NUP62CL: variants seen among roughly 807,000 people sequenced by gnomAD.
NUP62CL encodes nucleoporin 62 C-terminal like, also known as nucleoporin-62 C-terminal-like protein.
NUP62CL carries 13 observed loss-of-function variants against 15.3 expected under a neutral mutation model. That is an observed-to-expected ratio of 0.85 (90% confidence interval 0.55 to 1.35). The LOEUF is 1.35. Among genes scored for constraint, NUP62CL ranks in the 40% most tolerant of loss-of-function variants. The pLI, the probability that NUP62CL is intolerant of heterozygous loss-of-function variation, is 0.00. For missense variants in NUP62CL, 123 were observed against 130.6 expected (o/e 0.94, Z 0.28); for synonymous variants, 54 against 49.2 (o/e 1.10, Z -0.41).
Position 107,204,893 on chromosome X carries a change from A to ATTAT in NUP62CL, c.-92+1376_-92+1379dup, listed in dbSNP as rs1241518302. Reference sequence around the variant, plus strand: ...AATTATTTAAATAAATTTTAAATAAATTATTTAAATAAATTTTAAATAAAT... The same window carrying ATTAT: ...AATTATTTAAATAAATTTTAAATAAATTATTTATTTAAATAAATTTTAAATAAAT... On this transcript the variant is annotated intron_variant, in intron 1 of 8. Coordinates refer to ENST00000372466, the MANE Select transcript of NUP62CL (RefSeq NM_017681.3). Among the ~76,000 whole-genome samples the ATTAT allele has an allele frequency of 4.9e-3, 288 of 58,397 alleles. 41 individuals carry two copies. The highest frequency in any genetic ancestry group is 0.032 in the African/African-American group (219 of 6,809). 50.7% of individuals were successfully genotyped at this position (58,397 alleles called of 115,157 possible).
chrX:107,138,040 T>G (rs1925681013), intron 8 of NUP62CL, among the ~76,000 whole-genome samples: 1 of 111,616 alleles, frequency 9.0e-6, no homozygotes, highest in Non-Finnish European at 1.9e-5. Flanking sequence ...TTGTTGTTGT[T>G]TTTTAAGGCA....
At chrX:107,164,798 C>T (rs1490011926) in intron 4 of NUP62CL, among the ~76,000 whole-genome samples, 1 of 113,010 alleles carries the variant, frequency 8.8e-6, no homozygotes, top group African/African-American at 3.2e-5. Context: ...TTAAAAGCCC[C>T]TTTAGCCTAA....
chrX:107,174,326 A>AT (rs1385429747), intron 3 of NUP62CL, among the ~76,000 whole-genome samples: 4 of 107,017 alleles, frequency 3.7e-5, no homozygotes, highest in Non-Finnish European at 5.8e-5. Context: ...AAATTTTTGT[A>AT]TTTTTTTGTA....
At chrX:107,199,538 G>C (rs755872599) in intron 1 of NUP62CL, among the ~76,000 whole-genome samples, 3 of 111,999 alleles carry the variant, frequency 2.7e-5, no homozygotes, top group South Asian at 3.7e-4. Flanking sequence ...TTAGCCATAC[G>C]ATTTATTAAA....
At chrX:107,136,332 C>G (rs1394967935) in intron 8 of NUP62CL, among the ~76,000 whole-genome samples, 1 of 111,601 alleles carries the variant, frequency 9.0e-6, no homozygotes, top group Admixed American at 9.5e-5. Context: ...AGGAATGCAC[C>G]AATTCCTAAA....
chrX:107,203,770 G>A (rs1370964067), intron 1 of NUP62CL, among the ~76,000 whole-genome samples: 1 of 111,711 alleles, frequency 9.0e-6, no homozygotes, highest in Non-Finnish European at 1.9e-5. Context: ...ATGGGTACAT[G>A]TGGATAAAGA....
At chrX:107,186,177 G>T (rs1602662273) in intron 2 of NUP62CL, among the ~76,000 whole-genome samples, 2 of 111,442 alleles carry the variant, frequency 1.8e-5, no homozygotes, top group East Asian at 5.6e-4. Context: ...AAATCAGCAA[G>T]GATACAGAAG....
intron 2 of NUP62CL, among the ~76,000 whole-genome samples, chrX:107,177,674 A>G (rs955548474): frequency 5.4e-5 from 6 of 111,509 alleles, no homozygotes; most frequent in Non-Finnish European, 1.1e-4. Context: ...CAAAGCCACA[A>G]TGAGATACTA....
chrX:107,172,185 T>C (rs966195692), intron 3 of NUP62CL, among the ~76,000 whole-genome samples: 2 of 105,715 alleles, frequency 1.9e-5, no homozygotes, highest in South Asian at 4.3e-4. Flanking sequence ...AAAAAATCAG[T>C]TGGTCATGGT....
At chrX:107,185,196 CAAAAAAAAAA>C (rs3072235) in intron 2 of NUP62CL, among the ~76,000 whole-genome samples, 1 of 20,983 alleles carries the variant, frequency 4.8e-5, no homozygotes, top group East Asian at 1.4e-3. Context: ...GACTCCGTCT[CAAAAAAAAAA>C]AAAAAAAAAA....
chrX:107,197,558 G>T (rs1373679528), intron 1 of NUP62CL, among the ~76,000 whole-genome samples: 5 of 109,192 alleles, frequency 4.6e-5, no homozygotes, highest in Admixed American at 2.0e-4. Flanking sequence ...TGTATGTTGA[G>T]CCCAGCTTAC....
intron 2 of NUP62CL, among the ~76,000 whole-genome samples, chrX:107,184,343 GAAAGAAAGAAAGAAAC>G (rs1459257127): frequency 1.3e-5 from 1 of 77,142 alleles, no homozygotes; most frequent in African/African-American, 5.9e-5. Flanking sequence ...AAGAAAGAAA[GAAAGAAAGAAAGAAAC>G]TAATTAATTA....
At chrX:107,157,604 G>A (rs1200726526) in intron 4 of NUP62CL, among the ~76,000 whole-genome samples, 100 of 108,366 alleles carry the variant, frequency 9.2e-4, no homozygotes, top group Non-Finnish European at 1.8e-3. Flanking sequence ...CACCAGGCCT[G>A]CCCTAAAAGA....
intron 8 of NUP62CL, among the ~76,000 whole-genome samples, chrX:107,139,744 TGTTA>T (rs1463172959): frequency 4.5e-5 from 5 of 111,878 alleles, no homozygotes; most frequent in African/African-American, 1.6e-4. Flanking sequence ...TTAGTGAGGT[TGTTA>T]GTTAGGCTGT....
At chrX:107,176,711 T>TA (rs1047056323) in intron 2 of NUP62CL, among the ~76,000 whole-genome samples, 4 of 110,428 alleles carry the variant, frequency 3.6e-5, no homozygotes, top group South Asian at 3.8e-4. Flanking sequence ...ATGCTATTAT[T>TA]AAAAAAAACA....
At chrX:107,203,258 T>C (rs1436915275) in intron 1 of NUP62CL, among the ~76,000 whole-genome samples, 1 of 107,795 alleles carries the variant, frequency 9.3e-6, no homozygotes, top group African/African-American at 3.4e-5. Context: ...TTTTTTTTTT[T>C]TTTGAGACAC....
intron 4 of NUP62CL, among the ~76,000 whole-genome samples, chrX:107,155,955 T>C (rs1430884266): frequency 6.2e-5 from 7 of 112,273 alleles, no homozygotes; most frequent in African/African-American, 2.3e-4. Context: ...GGGCGAGGCA[T>C]TCCCTCACCT....
At position 107,160,853 on chromosome X, in the gene NUP62CL, C is replaced by A. The variant is rs778973112; in HGVS notation, c.195-6607G>T. ...ATCAGAGTGAACAGGCAACCTACAA[C>A]ATGGGAGAAAATTTTCGCAACCTAC... On this transcript the variant is annotated intron_variant, in intron 4 of 8. Transcript: ENST00000372466. 3.1e-3 allele frequency among the ~76,000 whole-genome samples: 340 copies of A among 109,952 alleles called. 2 individuals carry two copies. Among genetic ancestry groups the A allele is most frequent in the Middle Eastern group, 9.2e-3 (2 of 217 alleles).
intron 8 of NUP62CL, among the ~76,000 whole-genome samples, chrX:107,137,689 G>T (rs1281223008): frequency 8.9e-6 from 1 of 111,882 alleles, no homozygotes; most frequent in Non-Finnish European, 1.9e-5. Context: ...TGTGATGTGG[G>T]TGATGAAAAT....
Sources: gnomAD v4.1 joint callset for allele counts (sites outside exome capture counted in the v4.1 genomes callset) on GRCh38, gnomAD v4.1.1 for gene constraint, MANE v1.5 for transcripts, NCBI Gene and HGNC (gene_info 2026-07-23, HGNC 2026-07-21) for gene names.